Variants in ASZ1 observed in about 807,000 individuals in gnomAD.
ASZ1 encodes ankyrin repeat, SAM and basic leucine zipper domain containing 1.
A neutral mutation model predicts 61.8 loss-of-function variants in ASZ1; 67 were observed. That is an observed-to-expected ratio of 1.08 (90% CI 0.89 to 1.33). The LOEUF is 1.33. ASZ1 is among the 40% of genes most tolerant of loss of function. The pLI, the probability that ASZ1 is intolerant of heterozygous loss-of-function variation, is 0.00. For missense variants in ASZ1, 577 were observed against 554.5 expected, an observed-to-expected ratio of 1.04 and a Z score of -0.41; for synonymous variants, 193 against 192.7, an observed-to-expected ratio of 1.00 and a Z score of -0.01.
intron 4 of ASZ1, among the ~76,000 whole-genome samples, chr7:117,414,796 C>T (rs1183361265): frequency 2.6e-5 from 4 of 152,100 alleles, no homozygotes; most frequent in Admixed American, 2.6e-4. Flanking sequence ...ATCCATGTCC[C>T]TGCAAGGACA....
intron 4 of ASZ1, among the ~76,000 whole-genome samples, chr7:117,395,615 C>T (rs1366039244): frequency 3.9e-5 from 6 of 152,006 alleles, no homozygotes; most frequent in Non-Finnish European, 5.9e-5. Context: ...TAATCTCAAG[C>T]TTTTCGTTTC....
intron 12 of ASZ1, 42 bp from the exon 13 acceptor site, chr7:117,363,790 A>C: frequency 7.2e-7 from 1 of 1,395,602 alleles, no homozygotes; most frequent in Non-Finnish European, 9.6e-7. Context: ...GTTACTGTAC[A>C]ATACATTAAT....
chr7:117,384,418 A>G (rs1796309294), intron 6 of ASZ1, among the ~76,000 whole-genome samples: 1 of 152,118 alleles, frequency 6.6e-6, no homozygotes, highest in African/African-American at 2.4e-5. Flanking sequence ...TTACTTTTAA[A>G]ATTCTGGACC....
At chr7:117,377,913 T>A (rs1167839877) in intron 10 of ASZ1, among the ~76,000 whole-genome samples, 1 of 151,820 alleles carries the variant, frequency 6.6e-6, no homozygotes, top group Non-Finnish European at 1.5e-5. Flanking sequence ...TTTTGACATA[T>A]AATCAAAAGC....
intron 4 of ASZ1, among the ~76,000 whole-genome samples, chr7:117,391,937 G>A (rs536977574): frequency 3.3e-5 from 5 of 152,034 alleles, no homozygotes; most frequent in African/African-American, 9.6e-5. Flanking sequence ...GAGTACAGGC[G>A]TGCACCACCA....
rs1160793819 is a variant in ASZ1 at position 117,422,218 on chromosome 7, G to A, written c.328+19C>T. ...AATCACAGTAAGCATAATCATTTAA[G>A]TTATCTAAAACATCTTACCCTTCTC... On this transcript the variant is annotated intron_variant, in intron 3 of 12. Transcript: ENST00000284629. The A allele has an allele frequency of 6.2e-7, 1 of 1,605,326 alleles. No individual in the cohort carries two copies. Among genetic ancestry groups the A allele is most frequent in the Non-Finnish European group, 8.5e-7 (1 of 1,177,602 alleles).
At chr7:117,412,046 G>GTA (rs1796906160) in intron 4 of ASZ1, among the ~76,000 whole-genome samples, 4 of 91,708 alleles carry the variant, frequency 4.4e-5, no homozygotes, top group Non-Finnish European at 6.3e-5. Context: ...AGAAGTGTGT[G>GTA]TGTGTGTGTG....
intron 12 of ASZ1, among the ~76,000 whole-genome samples, chr7:117,364,598 A>G (rs753212441): frequency 5.9e-5 from 9 of 152,208 alleles, no homozygotes. Flanking sequence ...GATATTTACT[A>G]GAAACATCCT....
intron 4 of ASZ1, among the ~76,000 whole-genome samples, chr7:117,412,780 CT>C (rs139694190): frequency 9.3e-5 from 14 of 150,588 alleles, no homozygotes; most frequent in East Asian, 1.9e-4. Context: ...AAAAAAAAAT[CT>C]TTTTTTTTAA....
intron 4 of ASZ1, among the ~76,000 whole-genome samples, chr7:117,391,874 T>C (rs1392064273): frequency 6.6e-6 from 1 of 151,976 alleles, no homozygotes; most frequent in African/African-American, 2.4e-5. Flanking sequence ...GTCAATGCAA[T>C]GTCTGCCTCT....
chr7:117,416,560 G>A (rs562481299), intron 4 of ASZ1, among the ~76,000 whole-genome samples: 1 of 152,264 alleles, frequency 6.6e-6, no homozygotes, highest in Non-Finnish European at 1.5e-5. Flanking sequence ...TTCTAGAACA[G>A]AAAAAATTTA....
intron 2 of ASZ1, among the ~76,000 whole-genome samples, chr7:117,426,219 T>C (rs1455583227): frequency 6.6e-6 from 1 of 151,666 alleles, no homozygotes; most frequent in Non-Finnish European, 1.5e-5. Context: ...CGGTGGCTCA[T>C]GCCTGTAATC....
At chr7:117,415,933 G>A (rs1262563999) in intron 4 of ASZ1, among the ~76,000 whole-genome samples, 1 of 152,204 alleles carries the variant, frequency 6.6e-6, no homozygotes, top group African/African-American at 2.4e-5. Flanking sequence ...ACTCATGCCT[G>A]TAATCCCAAC....
At chr7:117,408,276 G>A (rs1055213112) in intron 4 of ASZ1, among the ~76,000 whole-genome samples, 2 of 151,992 alleles carry the variant, frequency 1.3e-5, no homozygotes, top group African/African-American at 2.4e-5. Flanking sequence ...GAGATTCCAA[G>A]GCTTTCAGAA....
chr7:117,406,784 T>C (rs940871887), intron 4 of ASZ1, among the ~76,000 whole-genome samples: 2 of 151,404 alleles, frequency 1.3e-5, no homozygotes, highest in African/African-American at 4.9e-5. Flanking sequence ...AGATTCAAAA[T>C]ATATGACAAC....
chr7:117,365,642 TG>T (rs1795922616), intron 12 of ASZ1, among the ~76,000 whole-genome samples: 1 of 152,194 alleles, frequency 6.6e-6, no homozygotes, highest in African/African-American at 2.4e-5. Flanking sequence ...TAAACTTCCC[TG>T]GGATACCCAT....
intron 4 of ASZ1, among the ~76,000 whole-genome samples, chr7:117,418,631 C>A (rs909468478): frequency 1.4e-5 from 2 of 142,888 alleles, no homozygotes; most frequent in African/African-American, 5.3e-5. Flanking sequence ...CCAGCCTGGG[C>A]GACAGAGCAA....
chr7:117,372,697 A>G (rs1796070025), intron 10 of ASZ1, among the ~76,000 whole-genome samples: 1 of 152,182 alleles, frequency 6.6e-6, no homozygotes, highest in Non-Finnish European at 1.5e-5. Flanking sequence ...ATATCTGGAA[A>G]AGATTAAAAT....
chr7:117,421,199 T>C (rs1225673820), intron 3 of ASZ1, among the ~76,000 whole-genome samples: 1 of 152,212 alleles, frequency 6.6e-6, no homozygotes, highest in Admixed American at 6.5e-5. Flanking sequence ...ACCTCATTCC[T>C]AAGCATAGCT....
Sources: allele counts gnomAD v4.1 joint callset (sites outside exome capture counted in the v4.1 genomes callset), GRCh38; gene constraint gnomAD v4.1.1; transcripts MANE v1.5; gene names NCBI Gene and HGNC (gene_info 2026-07-23, HGNC 2026-07-21).